The following GFRA1 variants were observed in gnomAD, a reference collection of about 807,000 sequenced individuals.
GFRA1 encodes GDNF family receptor alpha 1.
Under a neutral mutation model 51.6 loss-of-function variants are expected in GFRA1, and 16 were observed. The ratio of observed to expected loss-of-function variants is 0.31; its 90% CI spans 0.21 to 0.47. The LOEUF (loss-of-function observed/expected upper bound fraction) is 0.47, where lower values mean the gene tolerates loss of function less well. GFRA1 is among the 20% of genes least tolerant of loss of function. GFRA1 has a pLI of 1.00. For synonymous variants in GFRA1, 270 were observed against 241.3 expected (o/e 1.12, Z -1.10); for missense variants, 530 against 594.3 (o/e 0.89, Z 1.13).
intron 4 of GFRA1, among the ~76,000 whole-genome samples, chr10:116,225,523 G>T (rs1966221260): frequency 1.1e-5 from 1 of 93,398 alleles, no homozygotes. Flanking sequence ...GACAGAGCAA[G>T]AGTCTGTCTC....
At chr10:116,086,036 A>G (rs905449792) in intron 9 of GFRA1, among the ~76,000 whole-genome samples, 1 of 152,188 alleles carries the variant, frequency 6.6e-6, no homozygotes, top group Non-Finnish European at 1.5e-5. Flanking sequence ...CCTTGGCCTC[A>G]AAGTTAGAAA....
intron 6 of GFRA1, among the ~76,000 whole-genome samples, chr10:116,103,586 T>G (rs1460179619): frequency 1.3e-5 from 2 of 152,186 alleles, no homozygotes; most frequent in African/African-American, 4.8e-5. Flanking sequence ...CCCAGGGACT[T>G]AGAGCAAAGG....
chr10:116,139,822 T>A (rs12246156), intron 5 of GFRA1, among the ~76,000 whole-genome samples: 3,150 of 152,296 alleles, frequency 0.021, 99 homozygotes, highest in African/African-American at 0.071. Context: ...ACAGCCTGGG[T>A]CCCTGCCCTT....
intron 5 of GFRA1, among the ~76,000 whole-genome samples, chr10:116,147,859 G>A (rs982943614): frequency 6.6e-6 from 1 of 151,954 alleles, no homozygotes; most frequent in Non-Finnish European, 1.5e-5. Flanking sequence ...CCAGATATCC[G>A]CTTCCGGGGG....
At chr10:116,236,433 A>C (rs1163065381) in intron 4 of GFRA1, among the ~76,000 whole-genome samples, 1 of 152,214 alleles carries the variant, frequency 6.6e-6, no homozygotes, top group Non-Finnish European at 1.5e-5. Flanking sequence ...TATATTTATA[A>C]AAATCACCCA....
intron 4 of GFRA1, among the ~76,000 whole-genome samples, chr10:116,260,645 A>C (rs914178330): frequency 7.9e-5 from 12 of 151,630 alleles, no homozygotes; most frequent in African/African-American, 2.9e-4. Flanking sequence ...GAAAATGGTT[A>C]AAAGATTACA....
At chr10:116,196,495 T>A (rs550256742) in intron 5 of GFRA1, among the ~76,000 whole-genome samples, 18 of 140,342 alleles carry the variant, frequency 1.3e-4, no homozygotes, top group Admixed American at 3.1e-4. Context: ...TCTCAAAAAA[T>A]ATATATATAT....
chr10:116,273,303 G>GAA (rs3832707), upstream of GFRA1: 101 of 150,366 alleles, frequency 6.7e-4, no homozygotes, highest in South Asian at 1.3e-3. Flanking sequence ...AGAAAAAAAA[G>GAA]AAAAAAAAAT....
chr10:116,170,329 T>C (rs1960904069), intron 5 of GFRA1, among the ~76,000 whole-genome samples: 1 of 152,200 alleles, frequency 6.6e-6, no homozygotes, highest in African/African-American at 2.4e-5. Context: ...ATGAACTCCA[T>C]TCTCTCTCTG....
intron 8 of GFRA1, among the ~76,000 whole-genome samples, chr10:116,091,907 G>A (rs1956354164): frequency 6.6e-6 from 1 of 152,098 alleles, no homozygotes; most frequent in Non-Finnish European, 1.5e-5. Context: ...TGAGACACCA[G>A]ACTATTCTCT....
chr10:116,162,662 C>CAGGAT (rs1434859853), intron 5 of GFRA1, among the ~76,000 whole-genome samples: 1 of 152,218 alleles, frequency 6.6e-6, no homozygotes, highest in Non-Finnish European at 1.5e-5. Flanking sequence ...TTTCCACTAA[C>CAGGAT]AGGATAGACT....
At chr10:116,252,617 C>T (rs1477760890) in intron 4 of GFRA1, among the ~76,000 whole-genome samples, 3 of 152,146 alleles carry the variant, frequency 2.0e-5, no homozygotes, top group East Asian at 3.9e-4. Flanking sequence ...GTCAGAAACG[C>T]GCACCCTCAC....
chr10:116,254,149 C>T lies in GFRA1; in HGVS notation c.418+15354G>A, dbSNP rs927648027. The stretch of plus-strand genomic sequence containing the variant: ...CAGCCTGGCCAAAATGGTGAAACCC[C>T]GTCTCTACTAAAAATAAAAAAAATT... On this transcript the variant is annotated intron_variant, in intron 4 of 10. Coordinates refer to ENST00000355422, the MANE Select transcript of GFRA1 (RefSeq NM_005264.8). 3.3e-5 allele frequency among the ~76,000 whole-genome samples: 5 copies of T among 151,332 alleles called. 1 individual carries two copies. The highest frequency in any genetic ancestry group is 4.2e-4 in the South Asian group (2 of 4,794).
chr10:116,187,190 G>A (rs190405268), intron 5 of GFRA1, among the ~76,000 whole-genome samples: 14 of 152,324 alleles, frequency 9.2e-5, no homozygotes, highest in Admixed American at 6.5e-5. Context: ...GCACCAAGTA[G>A]TCTAGAAAAA....
chr10:116,126,344 C>T (rs185699845), intron 5 of GFRA1, among the ~76,000 whole-genome samples: 1 of 152,360 alleles, frequency 6.6e-6, no homozygotes, highest in African/African-American at 2.4e-5. Flanking sequence ...ACTCATACCA[C>T]CAGGGAAGCC....
chr10:116,242,421 T>C (rs2134639182), intron 4 of GFRA1, among the ~76,000 whole-genome samples: 2 of 152,236 alleles, frequency 1.3e-5, no homozygotes. Context: ...CTAAACAATA[T>C]ACACTAAATC....
intron 5 of GFRA1, among the ~76,000 whole-genome samples, chr10:116,208,011 C>T (rs1002757038): frequency 2.6e-5 from 4 of 152,034 alleles, no homozygotes; most frequent in African/African-American, 4.8e-5. Flanking sequence ...AATAAGACCA[C>T]GCCATTCTCC....
Position 116,270,962 on chromosome 10 carries a change from C to T in GFRA1, c.194G>A (p.Gly65Asp). 6.2e-7 allele frequency: 1 copy of T among 1,614,212 alleles called. No homozygotes were observed. Among genetic ancestry groups the T allele is most frequent in the Non-Finnish European group, 8.5e-7 (1 of 1,180,052 alleles). The change falls in exon 3 of 11, where the codon GGC (glycine) becomes GAC (aspartate). Residue 65 changes from glycine (G) to aspartate (D), a missense_variant. Transcript: ENST00000355422. ...GCGGCACTCATCCTTGGCCTCCAGG[C>T]CGGATGCCAGGCTGAAGTTGGTCTC... is the stretch of plus-strand genomic sequence containing the variant. Reference protein sequence around the residue: ...GKETNFSLASGLEAKDECRSA... With the variant: ...GKETNFSLASDLEAKDECRSA...
Position 116,270,884 on chromosome 10 carries a change from C to T in GFRA1, c.272G>A (p.Arg91Gln). ...QKSLYNCRCK[R>Q]GMKKEKNCLR... is the part of the protein sequence containing the mutation. ...GCAGTTCTTCTCCTTCTTCATACCC[C>T]GCTTGCAGCGGCAGTTGTAGAGCGA... Residue 91 changes from arginine (R) to glutamine (Q), a missense_variant, in exon 3 of 11, where the codon CGG becomes CAG. Transcript: ENST00000355422. 6.2e-7 allele frequency: 1 copy of T among 1,614,078 alleles called. No homozygotes were observed. Among genetic ancestry groups the T allele is most frequent in the African/African-American group, 1.3e-5 (1 of 75,082 alleles).
Sources: gnomAD v4.1 joint callset for allele counts (sites outside exome capture counted in the v4.1 genomes callset) on GRCh38, gnomAD v4.1.1 for gene constraint, MANE v1.5 for transcripts, NCBI Gene and HGNC (gene_info 2026-07-23, HGNC 2026-07-21) for gene names.